Variants in RBFOX2 observed in about 807,000 individuals in gnomAD.
The protein encoded by RBFOX2 is RNA binding protein fox-1 homolog 2.
In RBFOX2, 10 loss-of-function variants were observed where a neutral mutation model predicts 49.1. That is an observed-to-expected ratio of 0.20 (90% CI 0.13 to 0.35). The LOEUF (loss-of-function observed/expected upper bound fraction) is 0.35, where lower values mean the gene tolerates loss of function less well. Ranked by LOEUF, RBFOX2 falls within the 10% of genes least tolerant of loss-of-function variation. The probability of loss-of-function intolerance (pLI) is 1.00; values close to 1 mark genes in which losing one functional copy is unlikely to be tolerated. For synonymous variants in RBFOX2, 183 were observed against 187.4 expected, an observed-to-expected ratio of 0.98 and a Z score of 0.19; for missense variants, 323 against 486.9, an observed-to-expected ratio of 0.66 and a Z score of 3.17.
intron 1 of RBFOX2, among the ~76,000 whole-genome samples, chr22:35,880,987 G>A (rs1294104874): frequency 6.6e-6 from 1 of 152,174 alleles, no homozygotes; most frequent in African/African-American, 2.4e-5. Flanking sequence ...TTTGACAGCT[G>A]GGCATGGTGG....
intron 9 of RBFOX2, among the ~76,000 whole-genome samples, chr22:35,750,958 T>A (rs1934687862): frequency 6.6e-6 from 1 of 152,222 alleles, no homozygotes; most frequent in Admixed American, 6.5e-5. Context: ...AAGTCTCAGT[T>A]TTTCATGGCT....
intron 1 of RBFOX2, among the ~76,000 whole-genome samples, chr22:35,889,893 A>T (rs1393602739): frequency 1.3e-5 from 2 of 152,176 alleles, no homozygotes; most frequent in Non-Finnish European, 2.9e-5. Context: ...TGCCTCACAC[A>T]AAAGAACTTC....
chr22:35,847,225 C>T (rs1456848305), intron 1 of RBFOX2, among the ~76,000 whole-genome samples: 1 of 152,126 alleles, frequency 6.6e-6, no homozygotes, highest in Non-Finnish European at 1.5e-5. Flanking sequence ...TAATCATTTT[C>T]AATGGCACAC....
At chr22:35,917,476 A>T (rs745482752) in intron 1 of RBFOX2, among the ~76,000 whole-genome samples, 3 of 152,232 alleles carry the variant, frequency 2.0e-5, no homozygotes, top group Non-Finnish European at 4.4e-5. Flanking sequence ...TCTTCACATT[A>T]TGCTAGGCAA....
chr22:35,842,814 T>C (rs2040681363), upstream of RBFOX2, among the ~76,000 whole-genome samples: 1 of 152,056 alleles, frequency 6.6e-6, no homozygotes, highest in South Asian at 2.1e-4. Flanking sequence ...TTTTGTTTTA[T>C]TTTGTTTTTA....
intron 9 of RBFOX2, chr22:35,752,698 T>C: frequency 1.1e-6 from 1 of 942,660 alleles, no homozygotes; most frequent in Non-Finnish European, 1.3e-6. Flanking sequence ...AACACAGCTG[T>C]GGAAGGAAAA....
intron 4 of RBFOX2, among the ~76,000 whole-genome samples, chr22:35,769,996 G>C (rs1224696126): frequency 6.6e-6 from 1 of 152,110 alleles, no homozygotes; most frequent in Non-Finnish European, 1.5e-5. Context: ...GGTAATTTCA[G>C]TTAATACTCT....
chr22:35,803,147 AACACACACACAC>A (rs374346895), intron 2 of RBFOX2, among the ~76,000 whole-genome samples: 3 of 145,758 alleles, frequency 2.1e-5, no homozygotes, highest in African/African-American at 5.1e-5. Flanking sequence ...AATTACTTAA[AACACACACACAC>A]ACACACACAC....
At chr22:35,868,657 CTAGT>C (rs1234893675) in intron 1 of RBFOX2, among the ~76,000 whole-genome samples, 1 of 152,074 alleles carries the variant, frequency 6.6e-6, no homozygotes, top group Non-Finnish European at 1.5e-5. Flanking sequence ...AGTATGGGCA[CTAGT>C]TAATGTATTC....
intron 1 of RBFOX2, among the ~76,000 whole-genome samples, chr22:35,894,805 G>A (rs1389538061): frequency 6.6e-6 from 1 of 152,006 alleles, no homozygotes; most frequent in Non-Finnish European, 1.5e-5. Context: ...ACAGCACTCT[G>A]TACTCACCCA....
At chr22:35,899,597 G>T (rs2048320657) in intron 1 of RBFOX2, among the ~76,000 whole-genome samples, 1 of 151,240 alleles carries the variant, frequency 6.6e-6, no homozygotes, top group African/African-American at 2.4e-5. Context: ...AGAAAAAAGG[G>T]GGAACAAAGT....
chr22:35,890,413 T>C (rs1206886061), intron 1 of RBFOX2, among the ~76,000 whole-genome samples: 2 of 152,158 alleles, frequency 1.3e-5, no homozygotes, highest in Non-Finnish European at 2.9e-5. Context: ...AAGAGATTAA[T>C]GATAACTAAT....
intron 2 of RBFOX2, among the ~76,000 whole-genome samples, chr22:35,790,671 G>A (rs1947417064): frequency 6.6e-6 from 1 of 152,192 alleles, no homozygotes; most frequent in Non-Finnish European, 1.5e-5. Flanking sequence ...TGAAGGGTAT[G>A]CAGAAATCTT....
chr22:36,004,760 T>C (rs1482797644), intron 1 of RBFOX2, among the ~76,000 whole-genome samples: 1 of 151,950 alleles, frequency 6.6e-6, no homozygotes, highest in Non-Finnish European at 1.5e-5. Flanking sequence ...CACACCATTG[T>C]ACTCCAGCCT....
At chr22:36,015,817 C>A (rs2059012689) in intron 1 of RBFOX2, among the ~76,000 whole-genome samples, 1 of 152,100 alleles carries the variant, frequency 6.6e-6, no homozygotes, top group Non-Finnish European at 1.5e-5. Context: ...TTATTACTTA[C>A]CCTCCCAAGA....
intron 1 of RBFOX2, among the ~76,000 whole-genome samples, chr22:35,848,131 T>G (rs1324276763): frequency 2.0e-5 from 3 of 152,200 alleles, no homozygotes; most frequent in Non-Finnish European, 4.4e-5. Flanking sequence ...ATAATTCCCA[T>G]ACTTTGCTGG....
At chr22:35,963,342 G>A (rs970359813), upstream of RBFOX2, among the ~76,000 whole-genome samples, 2 of 152,034 alleles carry the variant, frequency 1.3e-5, no homozygotes, top group Non-Finnish European at 1.5e-5. Flanking sequence ...TTCTTATTTC[G>A]CTCCTTGTTG....
chr22:35,944,027 G>C (rs2053994611), intron 1 of RBFOX2, among the ~76,000 whole-genome samples: 1 of 152,228 alleles, frequency 6.6e-6, no homozygotes, highest in Non-Finnish European at 1.5e-5. Context: ...GCTCCTATAT[G>C]TACCTACATC....
chr22:35,779,126 T>C (rs576076152), intron 3 of RBFOX2, among the ~76,000 whole-genome samples: 8 of 152,330 alleles, frequency 5.3e-5, no homozygotes, highest in Non-Finnish European at 1.2e-4. Flanking sequence ...TAAACTCTAC[T>C]GTTAGGTAGC....
Sources: allele counts gnomAD v4.1 joint callset (sites outside exome capture counted in the v4.1 genomes callset), GRCh38; gene constraint gnomAD v4.1.1; transcripts MANE v1.5; gene names NCBI Gene and HGNC (gene_info 2026-07-23, HGNC 2026-07-21).